The following ZNF565 variants were observed in gnomAD, a reference collection of about 807,000 sequenced individuals.
The protein encoded by ZNF565 is zinc finger protein 565.
A neutral mutation model predicts 39.4 loss-of-function variants in ZNF565; 27 were observed. That is an observed-to-expected ratio of 0.69 (90% CI 0.51 to 0.95). The LOEUF is 0.95. Ranked by LOEUF, ZNF565 falls within the 40% of genes least tolerant of loss-of-function variation. The probability of loss-of-function intolerance (pLI) is 0.00; values close to 1 mark genes in which losing one functional copy is unlikely to be tolerated. For synonymous variants in ZNF565, 185 were observed against 216.6 expected, an observed-to-expected ratio of 0.85 and a Z score of 1.28; for missense variants, 524 against 621.1, an observed-to-expected ratio of 0.84 and a Z score of 1.66.
chr19:36,187,431 G>A (rs1228146714), intron 4 of ZNF565, among the ~76,000 whole-genome samples: 1 of 151,248 alleles, frequency 6.6e-6, no homozygotes, highest in Non-Finnish European at 1.5e-5. Flanking sequence ...GCGCGATCTC[G>A]GCTCATTGCA....
chr19:36,183,159 A>T lies in ZNF565; in HGVS notation c.807T>A (p.His269Gln). Residue 269 changes from histidine to glutamine, a missense_variant, in exon 5 of 5, where the codon CAT (histidine) becomes CAA (glutamine). Physicochemically the swap from His to Gln is conservative, Grantham distance 24 (BLOSUM62 0). Coordinates refer to ENST00000304116, the MANE Select transcript of ZNF565 (RefSeq NM_152477.5). ...TFRQHSQLIL[H>Q]QRTHTGEKPY... is the part of the protein sequence containing the mutation. ...GTTTCTCGCCTGTGTGAGTTCTTTGATGCAGAATCAGCTGTGAATGCTGCC... is the reference window on the plus strand; with the variant it reads ...GTTTCTCGCCTGTGTGAGTTCTTTGTTGCAGAATCAGCTGTGAATGCTGCC... The T allele has an allele frequency of 6.2e-7, 1 of 1,614,118 alleles. No homozygotes were observed. The highest frequency in any genetic ancestry group is 8.5e-7 in the Non-Finnish European group (1 of 1,180,032).
chr19:36,241,852 C>T (rs373173584), intron 1 of ZNF565, among the ~76,000 whole-genome samples: 10 of 150,032 alleles, frequency 6.7e-5, no homozygotes, highest in African/African-American at 2.0e-4. Flanking sequence ...TGCTTCACAC[C>T]GTATACAAAA....
intron 1 of ZNF565, among the ~76,000 whole-genome samples, chr19:36,239,864 ATAT>A (rs1388454035): frequency 2.0e-5 from 3 of 152,242 alleles, no homozygotes; most frequent in East Asian, 1.9e-4. Context: ...AATATAAAGA[ATAT>A]TATTAAAGGT....
At chr19:36,210,419 CAAAAA>C (rs35345882) in intron 1 of ZNF565, among the ~76,000 whole-genome samples, 1 of 67,028 alleles carries the variant, frequency 1.5e-5, no homozygotes. Flanking sequence ...AATTCTGTCT[CAAAAA>C]AAAAAAAAAA....
chr19:36,245,186 AC>A lies in ZNF565; in HGVS notation c.55+289del, dbSNP rs905175595. On this transcript the variant is annotated intron_variant, in intron 1 of 4. Transcript: ENST00000355114. The surrounding 1 kb of genome is among the most constrained non-coding windows in gnomAD (Gnocchi z 4.4). ...TTGCGCAGAGTCGGGGTCTGTTGCT[AC>A]GGGTCCCCTGGGCTCCTTTGAATCG... is the stretch of plus-strand genomic sequence containing the variant. Among the ~76,000 whole-genome samples the A allele has an allele frequency of 3.3e-5, 5 of 152,118 alleles. No individual in the cohort carries two copies. The highest frequency in any genetic ancestry group is 9.7e-5 in the African/African-American group (4 of 41,422).
chr19:36,227,384 T>C, intron 1 of ZNF565, among the ~76,000 whole-genome samples: 1 of 142,616 alleles, frequency 7.0e-6, no homozygotes, highest in South Asian at 2.3e-4. Context: ...AACGAGTCTC[T>C]GTCACAAAAA....
intron 1 of ZNF565, among the ~76,000 whole-genome samples, chr19:36,242,743 AAAATT>A (rs1399109804): frequency 6.6e-6 from 1 of 152,232 alleles, no homozygotes; most frequent in East Asian, 1.9e-4. Flanking sequence ...AAATAAAATG[AAAATT>A]AAAATGGACA....
intron 1 of ZNF565, among the ~76,000 whole-genome samples, chr19:36,219,758 G>GT (rs201128329): frequency 3.4e-4 from 51 of 150,914 alleles, no homozygotes; most frequent in Middle Eastern, 3.4e-3. Context: ...ATGATTTTCT[G>GT]TTTTTTTTGT....
intron 2 of ZNF565, among the ~76,000 whole-genome samples, chr19:36,201,248 G>A (rs1412505087): frequency 2.0e-5 from 3 of 152,080 alleles, no homozygotes; most frequent in Non-Finnish European, 4.4e-5. Flanking sequence ...GCTGCAGTGA[G>A]CCATGACTGC....
At chr19:36,194,211 G>T in intron 4 of ZNF565, 22 bp downstream of exon 4, 1 of 1,594,562 alleles carries the variant, frequency 6.3e-7, no homozygotes, top group Non-Finnish European at 8.6e-7. Flanking sequence ...ACCTTCCCCT[G>T]TCGAAATCGG....
chr19:36,200,243 C>G (rs1005797923), intron 2 of ZNF565, among the ~76,000 whole-genome samples: 3 of 151,912 alleles, frequency 2.0e-5, no homozygotes, highest in Non-Finnish European at 4.4e-5. Context: ...TCAGGCTGGT[C>G]TCGAACTCCT....
chr19:36,208,573 T>C (rs1352198591), intron 1 of ZNF565, among the ~76,000 whole-genome samples: 1 of 152,096 alleles, frequency 6.6e-6, no homozygotes, highest in African/African-American at 2.4e-5. Context: ...CAAATCCTTC[T>C]GGAAAGTTGA....
Position 36,245,445 on chromosome 19 carries a change from C to G in ZNF565, c.55+31G>C, listed in dbSNP as rs571176083. On this transcript the variant is annotated intron_variant, in intron 1 of 4. Transcript: ENST00000355114. This position sits in a 1 kb window ranked among gnomAD's most constrained non-coding sequence, Gnocchi z 4.4. ...CACCCAGAAAATCCGGATCACATTT[C>G]CCGTGGTCCACCGCGCATCTAGGAG... The G allele has an allele frequency of 1.1e-4, 80 of 702,256 alleles. No homozygotes were observed. The highest frequency in any genetic ancestry group is 1.7e-4 in the Non-Finnish European group (66 of 384,754). The allele number at this position is 702,256 out of a possible 1,614,324, so 43.5% of individuals were successfully genotyped here.
chr19:36,192,219 C>G (rs547741750), intron 4 of ZNF565, among the ~76,000 whole-genome samples: 2 of 151,832 alleles, frequency 1.3e-5, no homozygotes, highest in Admixed American at 1.3e-4. Flanking sequence ...GAACTGCTGA[C>G]CTTGTGATTC....
intron 1 of ZNF565, among the ~76,000 whole-genome samples, chr19:36,240,562 G>GACA (rs992421688): frequency 6.6e-5 from 10 of 152,170 alleles, no homozygotes; most frequent in Admixed American, 5.9e-4. Context: ...ATGAAAGGTT[G>GACA]AGACCCTTAA....
At chr19:36,232,975 G>C (rs2918377) in intron 1 of ZNF565, among the ~76,000 whole-genome samples, 96,542 of 152,034 alleles carry the variant, frequency 0.64, 30,856 homozygotes, top group Middle Eastern at 0.71. Flanking sequence ...CATGTGGATT[G>C]AATAATTAAT....
At chr19:36,193,205 G>A (rs1201379532) in intron 4 of ZNF565, among the ~76,000 whole-genome samples, 12 of 151,548 alleles carry the variant, frequency 7.9e-5, no homozygotes, top group East Asian at 3.9e-4. Flanking sequence ...CCATGGTCTC[G>A]ATCTCCTGAC....
At chr19:36,202,356 GA>G (rs1975995152) in intron 1 of ZNF565, among the ~76,000 whole-genome samples, 2 of 151,658 alleles carry the variant, frequency 1.3e-5, no homozygotes, top group Admixed American at 1.3e-4. Context: ...GACAGAGCGA[GA>G]CTCGATCTCA....
At chr19:36,238,963 C>G (rs1463989942) in intron 1 of ZNF565, among the ~76,000 whole-genome samples, 1 of 152,086 alleles carries the variant, frequency 6.6e-6, no homozygotes, top group Non-Finnish European at 1.5e-5. Flanking sequence ...TGTGAGGAAT[C>G]CAGGTTGTGC....
Sources: allele counts gnomAD v4.1 joint callset (sites outside exome capture counted in the v4.1 genomes callset), GRCh38; gene constraint gnomAD v4.1.1; non-coding constraint Gnocchi (gnomAD v3.1); transcripts MANE v1.5; gene names NCBI Gene and HGNC (gene_info 2026-07-23, HGNC 2026-07-21).